WFDC3: variants seen among roughly 807,000 people sequenced by gnomAD.
The protein encoded by WFDC3 is WAP four-disulfide core domain protein 3.
WFDC3 carries 15 observed loss-of-function variants against 25.8 expected under a neutral mutation model. That is an observed-to-expected ratio of 0.58 (90% confidence interval 0.39 to 0.89). The LOEUF (loss-of-function observed/expected upper bound fraction) is 0.89. Among genes scored for constraint, WFDC3 ranks in the 40% least tolerant of loss-of-function variants. WFDC3 has a pLI of 0.00. For missense variants in WFDC3, 264 were observed against 289.8 expected, an observed-to-expected ratio of 0.91 and a Z score of 0.65; for synonymous variants, 103 against 107.1, an observed-to-expected ratio of 0.96 and a Z score of 0.24.
intron 4 of WFDC3, among the ~76,000 whole-genome samples, chr20:45,786,138 G>A (rs1024737002): frequency 1.3e-5 from 2 of 152,156 alleles, no homozygotes; most frequent in African/African-American, 2.4e-5. Context: ...GGTGGCTCAC[G>A]CCAGCCCTTG....
chr20:45,779,590 A>G (rs1348590062), intron 4 of WFDC3, among the ~76,000 whole-genome samples: 2 of 152,132 alleles, frequency 1.3e-5, no homozygotes, highest in Non-Finnish European at 2.9e-5. Context: ...CCTGCTTGAC[A>G]AACACTGAAA....
intron 2 of WFDC3, 80 bp from the exon 3 acceptor site, chr20:45,789,139 T>C (rs748105745): frequency 2.2e-5 from 35 of 1,564,350 alleles, no homozygotes; most frequent in Non-Finnish European, 2.9e-5. Context: ...CCTCCAGGCA[T>C]CTCTATCCAA....
At chr20:45,781,089 A>AAT (rs1353365418) in intron 4 of WFDC3, among the ~76,000 whole-genome samples, 1 of 151,714 alleles carries the variant, frequency 6.6e-6, no homozygotes, top group Non-Finnish European at 1.5e-5. Context: ...AAAATACAAA[A>AAT]AAAAAAAAAA....
chr20:45,787,439 C>T (rs920801305), intron 4 of WFDC3, among the ~76,000 whole-genome samples: 3 of 151,508 alleles, frequency 2.0e-5, no homozygotes, highest in Non-Finnish European at 4.4e-5. Flanking sequence ...TACAGGCACC[C>T]GCCACCACGC....
intron 2 of WFDC3, among the ~76,000 whole-genome samples, chr20:45,789,653 G>C (rs1225789430): frequency 6.6e-6 from 1 of 152,112 alleles, no homozygotes; most frequent in East Asian, 1.9e-4. Flanking sequence ...GAGTTCTAGG[G>C]AAAAGCTAGA....
chr20:45,785,477 A>G (rs909304531), intron 4 of WFDC3, among the ~76,000 whole-genome samples: 5 of 151,754 alleles, frequency 3.3e-5, no homozygotes, highest in Non-Finnish European at 7.4e-5. Flanking sequence ...AAAAAAAAAA[A>G]AGAACATTTC....
chr20:45,779,571 A>C (rs1275943174), intron 4 of WFDC3, among the ~76,000 whole-genome samples: 1 of 151,972 alleles, frequency 6.6e-6, no homozygotes, highest in Non-Finnish European at 1.5e-5. Flanking sequence ...ATCTCCCTGC[A>C]CCTCCCCACC....
intron 4 of WFDC3, among the ~76,000 whole-genome samples, chr20:45,787,448 G>A (rs1456067757): frequency 2.6e-5 from 4 of 151,468 alleles, no homozygotes; most frequent in East Asian, 2.0e-4. Flanking sequence ...CCGCCACCAC[G>A]CCCGGCTACT....
At chr20:45,775,351 C>T in intron 6 of WFDC3, 66 bp downstream of exon 6, 1 of 1,560,518 alleles carries the variant, frequency 6.4e-7, no homozygotes, top group Non-Finnish European at 8.7e-7. Flanking sequence ...CCCTTCCCAG[C>T]ACCTAAGCCA....
chr20:45,774,546 C>G (rs1009796361), intron 6 of WFDC3, 102 bp from the exon 7 acceptor site: 2 of 1,524,308 alleles, frequency 1.3e-6, no homozygotes. Flanking sequence ...ATATTGCTCT[C>G]AAAAGTCTTA....
intron 5 of WFDC3, among the ~76,000 whole-genome samples, chr20:45,776,278 C>CTGTGTGTGTGTGTG (rs3080047): frequency 0.022 from 2,201 of 101,908 alleles, 52 homozygotes; most frequent in Admixed American, 0.038. Context: ...GCTTTTATCT[C>CTGTGTGTGTGTGTG]TGTGTGTGTG....
intron 3 of WFDC3, chr20:45,788,691 A>C: frequency 4.8e-6 from 2 of 419,928 alleles, no homozygotes; most frequent in Non-Finnish European, 8.3e-6. Context: ...CTTCACAGGA[A>C]CTTTGAGTCC....
intron 4 of WFDC3, among the ~76,000 whole-genome samples, chr20:45,777,443 T>C (rs575724660): frequency 6.6e-6 from 1 of 152,296 alleles, no homozygotes; most frequent in East Asian, 1.9e-4. Context: ...CTCAAACTCC[T>C]GCATTCAAGG....
At chr20:45,781,416 T>C (rs866892514) in intron 4 of WFDC3, among the ~76,000 whole-genome samples, 20 of 152,212 alleles carry the variant, frequency 1.3e-4, no homozygotes, top group South Asian at 2.1e-4. Context: ...TCCACCAGTG[T>C]GTAGGCAGTC....
intron 4 of WFDC3, 37 bp from the exon 5 acceptor site, chr20:45,777,246 C>T: frequency 6.9e-7 from 1 of 1,441,896 alleles, no homozygotes; most frequent in Non-Finnish European, 9.1e-7. Context: ...GAGACGCTCA[C>T]AATATGAAAC....
intron 4 of WFDC3, among the ~76,000 whole-genome samples, chr20:45,784,846 A>G (rs16990776): frequency 0.034 from 5,235 of 152,348 alleles, 108 homozygotes; most frequent in Middle Eastern, 0.092. Flanking sequence ...AATAATTACA[A>G]CAAGCCTTCG....
At chr20:45,786,572 C>T (rs1057296545) in intron 4 of WFDC3, among the ~76,000 whole-genome samples, 12 of 152,102 alleles carry the variant, frequency 7.9e-5, no homozygotes, top group Non-Finnish European at 1.3e-4. Flanking sequence ...TGGGATCTAC[C>T]GTATTTTCCA....
chr20:45,781,106 G>T (rs1043725390), intron 4 of WFDC3, among the ~76,000 whole-genome samples: 2 of 149,674 alleles, frequency 1.3e-5, no homozygotes, highest in South Asian at 2.1e-4. Flanking sequence ...AAAAAAAGCC[G>T]GGTGTGGTGA....
intron 4 of WFDC3, among the ~76,000 whole-genome samples, chr20:45,780,240 T>G (rs1980383384): frequency 6.6e-6 from 1 of 151,748 alleles, no homozygotes; most frequent in Non-Finnish European, 1.5e-5. Flanking sequence ...CAGGCCCAGC[T>G]AATTATTTTT....
Sources: allele counts gnomAD v4.1 joint callset (sites outside exome capture counted in the v4.1 genomes callset), GRCh38; gene constraint gnomAD v4.1.1; transcripts MANE v1.5; gene names NCBI Gene and HGNC (gene_info 2026-07-23, HGNC 2026-07-21).